RFX3: variants seen among roughly 807,000 people sequenced by gnomAD.
RFX3 encodes transcription factor RFX3.
Under a neutral mutation model 98.6 loss-of-function variants are expected in RFX3, and 14 were observed. The ratio of observed to expected loss-of-function variants is 0.14; its 90% CI spans 0.09 to 0.22. The LOEUF is 0.22. Among genes scored for constraint, RFX3 ranks in the 10% least tolerant of loss-of-function variants. The probability of loss-of-function intolerance (pLI) is 1.00; values close to 1 mark genes in which losing one functional copy is unlikely to be tolerated. For missense variants in RFX3, 639 were observed against 926.9 expected (o/e 0.69, Z 4.03); for synonymous variants, 383 against 328.4 (o/e 1.17, Z -1.80).
At chr9:3,310,463 G>C (rs1464064256) in intron 4 of RFX3, among the ~76,000 whole-genome samples, 1 of 152,196 alleles carries the variant, frequency 6.6e-6, no homozygotes, top group Admixed American at 6.5e-5. Context: ...TTTGTTAAAA[G>C]AGTAAAGGTC....
At chr9:3,372,459 A>T (rs913556483) in intron 2 of RFX3, among the ~76,000 whole-genome samples, 1 of 152,180 alleles carries the variant, frequency 6.6e-6, no homozygotes, top group Non-Finnish European at 1.5e-5. Context: ...TCTTTGTACC[A>T]GAGTCTGCTT....
chr9:3,425,099 A>G (rs1843883099), intron 1 of RFX3, among the ~76,000 whole-genome samples: 1 of 152,152 alleles, frequency 6.6e-6, no homozygotes, highest in Non-Finnish European at 1.5e-5. Context: ...TTAGCCAGGC[A>G]TGGTGGCCCA....
chr9:3,389,476 G>A (rs1011625897), intron 2 of RFX3, among the ~76,000 whole-genome samples: 2 of 151,972 alleles, frequency 1.3e-5, no homozygotes, highest in African/African-American at 2.4e-5. Context: ...ATTGAATTGG[G>A]CAACAATGTC....
chr9:3,484,912 C>T (rs940044900), intron 1 of RFX3, among the ~76,000 whole-genome samples: 1 of 147,780 alleles, frequency 6.8e-6, no homozygotes, highest in Non-Finnish European at 1.5e-5. Flanking sequence ...AGGGAGACAC[C>T]CCCCCCCACC....
In RFX3 at chr9:3,221,588, T is replaced by C. The variant is rs1451115975; in HGVS notation, c.*3454A>G. ...ATTTCTGAAAAGGCAGTAAGACTTA[T>C]ACAGTCAGTCCAAACACAGTTTGGA... On this transcript the variant is annotated 3_prime_UTR_variant, in exon 17 of 17. Transcript: ENST00000617270. 2.0e-5 allele frequency: 3 copies of C among 152,278 alleles called. No homozygotes were observed. In the East Asian group the frequency reaches 5.8e-4, roughly 29 times the overall value. 9.4% of individuals were successfully genotyped at this position (152,278 alleles called of 1,614,324 possible). A position where few individuals can be genotyped will look rare whatever the true frequency, so the allele number is the denominator to read the frequency against.
chr9:3,504,914 A>ATATTATATATAATATTAT, intron 1 of RFX3, among the ~76,000 whole-genome samples: 1 of 68,930 alleles, frequency 1.5e-5, no homozygotes, highest in South Asian at 4.1e-4. Context: ...ATATATATAT[A>ATATTATATATAATATTAT]ATATAACATA....
chr9:3,486,104 A>T (rs1850246486), intron 1 of RFX3, among the ~76,000 whole-genome samples: 1 of 150,296 alleles, frequency 6.7e-6, no homozygotes, highest in South Asian at 2.1e-4. Context: ...CAGCCTGGGC[A>T]ACAAAAGTGA....
intron 2 of RFX3, among the ~76,000 whole-genome samples, chr9:3,374,462 C>T (rs991198119): frequency 2.0e-5 from 3 of 151,962 alleles, no homozygotes; most frequent in Non-Finnish European, 4.4e-5. Context: ...GGAAGCAACC[C>T]AAGTATCCAA....
At chr9:3,349,453 T>A (rs1299169927) in intron 2 of RFX3, among the ~76,000 whole-genome samples, 2 of 152,100 alleles carry the variant, frequency 1.3e-5, no homozygotes, top group Admixed American at 1.3e-4. Flanking sequence ...GTATTTAATT[T>A]TGATTTAATT....
chr9:3,292,683 CTA>C (rs1211747701), intron 6 of RFX3, among the ~76,000 whole-genome samples: 2 of 152,164 alleles, frequency 1.3e-5, no homozygotes, highest in Admixed American at 6.5e-5. Flanking sequence ...TTTCCATTTA[CTA>C]TGTCACTTAA....
chr9:3,369,272 T>C (rs952471999), intron 2 of RFX3, among the ~76,000 whole-genome samples: 2 of 152,110 alleles, frequency 1.3e-5, no homozygotes, highest in African/African-American at 4.8e-5. Flanking sequence ...ACAGCCTGCT[T>C]TCTGGCTCAT....
chr9:3,343,477 A>C (rs951609230), intron 3 of RFX3, among the ~76,000 whole-genome samples: 3 of 152,208 alleles, frequency 2.0e-5, no homozygotes, highest in Non-Finnish European at 4.4e-5. Flanking sequence ...CCAAATAAAA[A>C]GAAGTCATAG....
intron 4 of RFX3, among the ~76,000 whole-genome samples, chr9:3,309,490 C>T (rs1829721225): frequency 6.6e-6 from 1 of 151,362 alleles, no homozygotes. Flanking sequence ...CAAGAGCCAC[C>T]CTGAGGCTTG....
intron 15 of RFX3, chr9:3,246,962 G>C: frequency 1.6e-6 from 1 of 621,204 alleles, no homozygotes; most frequent in Non-Finnish European, 2.0e-6. Flanking sequence ...AGAATATTAG[G>C]GAGGTCCTTG....
chr9:3,524,053 G>C (rs935158638), intron 1 of RFX3, among the ~76,000 whole-genome samples: 37 of 151,898 alleles, frequency 2.4e-4, no homozygotes, highest in African/African-American at 9.0e-4. Flanking sequence ...AAGCTGCTGT[G>C]TCAGTTAAAT....
chr9:3,384,491 G>A lies in RFX3; in HGVS notation c.117+10981C>T, dbSNP rs562963245. ...AAATTCCTTTAGGCCCAGTTTCCTCGCCCATAAAAGGCAGATAATACCAAC... is the reference window on the plus strand; with the variant it reads ...AAATTCCTTTAGGCCCAGTTTCCTCACCCATAAAAGGCAGATAATACCAAC... On this transcript the variant is annotated intron_variant, in intron 2 of 16. Transcript: ENST00000617270. 2.5e-4 allele frequency among the ~76,000 whole-genome samples: 38 copies of A among 152,142 alleles called. 1 individual carries two copies. In the South Asian group the frequency reaches 7.5e-3, roughly 30 times the overall value.
intron 1 of RFX3, among the ~76,000 whole-genome samples, chr9:3,458,852 G>T (rs1450809447): frequency 2.6e-5 from 4 of 152,206 alleles, no homozygotes. Context: ...GTAGAAGAAA[G>T]TGAAGACAAG....
At chr9:3,299,773 T>C (rs955518609) in intron 5 of RFX3, among the ~76,000 whole-genome samples, 13 of 151,912 alleles carry the variant, frequency 8.6e-5, no homozygotes, top group African/African-American at 3.1e-4. Flanking sequence ...CTCTAACAGT[T>C]GAAAAGCTTC....
rs1238592546 is a variant in RFX3 at position 3,222,865 on chromosome 9, G to A, written c.*2177C>T. 2 of 152,078 alleles carry A rather than the reference G, an allele frequency of 1.3e-5. No homozygotes were observed. The highest frequency in any genetic ancestry group is 4.8e-5 in the African/African-American group (2 of 41,426). 9.4% of individuals were successfully genotyped at this position (152,078 alleles called of 1,614,324 possible). ...TGCTAGTGAAGACTTTCAAATATAT[G>A]AGTGAGTTGTATAATAAAAAATTTG... On this transcript the variant is annotated 3_prime_UTR_variant, in exon 17 of 17. Transcript: ENST00000617270.
Sources: allele counts gnomAD v4.1 joint callset (sites outside exome capture counted in the v4.1 genomes callset), GRCh38; gene constraint gnomAD v4.1.1; transcripts MANE v1.5; gene names NCBI Gene and HGNC (gene_info 2026-07-23, HGNC 2026-07-21).